The following RBFOX1 variants were observed in gnomAD, a reference collection of about 807,000 sequenced individuals.
RBFOX1 encodes the protein RNA binding protein fox-1 homolog 1.
Under a neutral mutation model 57.7 loss-of-function variants are expected in RBFOX1, and 8 were observed. That is an observed-to-expected ratio of 0.14 (90% CI 0.08 to 0.25). The LOEUF is 0.25. Among genes scored for constraint, RBFOX1 ranks in the 10% least tolerant of loss-of-function variants. The pLI is 1.00. For missense variants in RBFOX1, 611 were observed against 548.5 expected (o/e 1.11, Z -1.14); for synonymous variants, 326 against 222.4 (o/e 1.47, Z -4.15).
At chr16:7,217,952 G>T (rs1378361560) in intron 4 of RBFOX1, among the ~76,000 whole-genome samples, 1 of 151,700 alleles carries the variant, frequency 6.6e-6, no homozygotes, top group African/African-American at 2.4e-5. Flanking sequence ...GTGTGTGTGT[G>T]CACATGTGTA....
chr16:6,696,793 A>G (rs1192663415), intron 3 of RBFOX1, among the ~76,000 whole-genome samples: 2 of 152,200 alleles, frequency 1.3e-5, no homozygotes, highest in African/African-American at 4.8e-5. Context: ...TTTTGTAGAA[A>G]AAAAGAGGTG....
intron 4 of RBFOX1, among the ~76,000 whole-genome samples, chr16:7,286,923 C>G (rs963951848): frequency 1.3e-5 from 2 of 152,146 alleles, no homozygotes; most frequent in African/African-American, 2.4e-5. Context: ...GTCACCATGC[C>G]TGGCCCTGGG....
intron 4 of RBFOX1, among the ~76,000 whole-genome samples, chr16:7,106,190 C>G (rs1049921438): frequency 5.9e-5 from 9 of 152,212 alleles, no homozygotes; most frequent in Non-Finnish European, 1.2e-4. Context: ...TTCCTGTGGG[C>G]TCTTTTTTGT....
At chr16:5,543,228 A>G (rs1379901645) in intron 2 of RBFOX1, among the ~76,000 whole-genome samples, 1 of 152,246 alleles carries the variant, frequency 6.6e-6, no homozygotes, top group Non-Finnish European at 1.5e-5. Context: ...AATACAACCT[A>G]AAATGAGTAG....
At chr16:6,230,800 C>T (rs531611700) in intron 1 of RBFOX1, among the ~76,000 whole-genome samples, 9 of 152,144 alleles carry the variant, frequency 5.9e-5, no homozygotes, top group East Asian at 5.8e-4. Flanking sequence ...GATATGGATA[C>T]GCATAGTACA....
chr16:6,022,517 C>G (rs767587381), intron 1 of RBFOX1, among the ~76,000 whole-genome samples: 22 of 152,130 alleles, frequency 1.4e-4, no homozygotes, highest in Middle Eastern at 3.4e-3. Context: ...CCTGTCTGTA[C>G]TAAAAATACA....
intron 1 of RBFOX1, among the ~76,000 whole-genome samples, chr16:5,454,954 C>CTTTCTTTCTTT (rs1567535876): frequency 2.2e-4 from 9 of 40,422 alleles, no homozygotes; most frequent in African/African-American, 8.0e-4. Flanking sequence ...TTCCTTCCTT[C>CTTTCTTTCTTT]CTTCCTTTCT....
intron 4 of RBFOX1, among the ~76,000 whole-genome samples, chr16:7,300,000 A>G (rs1337046480): frequency 6.6e-6 from 1 of 152,238 alleles, no homozygotes. Flanking sequence ...TTATGCAATA[A>G]GATTGGAAGG....
chr16:5,360,877 C>G (rs533797252), intron 1 of RBFOX1, among the ~76,000 whole-genome samples: 1 of 152,170 alleles, frequency 6.6e-6, no homozygotes. Context: ...ATAGCATGAA[C>G]CTGCTTTCCC....
intron 2 of RBFOX1, among the ~76,000 whole-genome samples, chr16:6,412,107 C>T (rs2093475597): frequency 6.8e-6 from 1 of 146,222 alleles, no homozygotes; most frequent in African/African-American, 2.6e-5. Context: ...CACTCCAGTA[C>T]AGGCAATAGT....
chr16:7,020,700 GGGAAGA>G (rs1476738460), intron 3 of RBFOX1, among the ~76,000 whole-genome samples: 33 of 152,226 alleles, frequency 2.2e-4, no homozygotes, highest in African/African-American at 6.7e-4. Flanking sequence ...ACACTGCAGA[GGGAAGA>G]GGAAGAGGAG....
chr16:6,723,032 G>A (rs756456058), intron 3 of RBFOX1, among the ~76,000 whole-genome samples: 3 of 152,174 alleles, frequency 2.0e-5, no homozygotes, highest in African/African-American at 4.8e-5. Flanking sequence ...TAAGTGGAAA[G>A]GATCTGAGAG....
At chr16:6,738,309 G>C (rs767887811) in intron 3 of RBFOX1, among the ~76,000 whole-genome samples, 5 of 152,032 alleles carry the variant, frequency 3.3e-5, no homozygotes, top group Non-Finnish European at 7.4e-5. Context: ...GGAGAGGAGG[G>C]GAACTGAGAT....
Position 5,535,202 on chromosome 16 carries a change from C to A in RBFOX1, c.259-63700C>A, listed in dbSNP as rs377275306. On this transcript the variant is annotated intron_variant, in intron 2 of 2. Transcript: ENST00000585867. ...TTCTTTAGTCACAGTAGCCACATTT[C>A]AAGTGCTCAGTAGCCACGTGTGGCT... 2.2e-4 allele frequency among the ~76,000 whole-genome samples: 33 copies of A among 152,312 alleles called. No individual in the cohort carries two copies. The South Asian group carries it at 6.6e-3, about 31-fold the overall frequency.
intron 2 of RBFOX1, among the ~76,000 whole-genome samples, chr16:5,570,091 C>G (rs1012650136): frequency 5.3e-5 from 8 of 152,194 alleles, no homozygotes; most frequent in Admixed American, 3.9e-4. Context: ...CACACAGTGT[C>G]ACAGCCTGGG....
At chr16:5,425,758 C>G (rs1335714191) in intron 1 of RBFOX1, among the ~76,000 whole-genome samples, 1 of 152,190 alleles carries the variant, frequency 6.6e-6, no homozygotes, top group African/African-American at 2.4e-5. Context: ...ACACTGTCCT[C>G]AGGTTCCCAC....
At chr16:7,278,595 G>C (rs955291805) in intron 4 of RBFOX1, among the ~76,000 whole-genome samples, 1 of 152,052 alleles carries the variant, frequency 6.6e-6, no homozygotes, top group East Asian at 1.9e-4. Context: ...ATTGACTTCT[G>C]TTTGTATCCT....
At chr16:7,553,204 G>C (rs972867934) in intron 5 of RBFOX1, among the ~76,000 whole-genome samples, 16 of 152,142 alleles carry the variant, frequency 1.1e-4, no homozygotes, top group African/African-American at 3.6e-4. Flanking sequence ...GAGTGCAGTG[G>C]TGCAATCATA....
At chr16:6,864,216 C>G (rs1187582524) in intron 3 of RBFOX1, among the ~76,000 whole-genome samples, 3 of 152,088 alleles carry the variant, frequency 2.0e-5, no homozygotes, top group Admixed American at 6.6e-5. Context: ...TCTTCTATGT[C>G]ACTGTATTCC....
Sources: gnomAD v4.1 joint callset for allele counts (sites outside exome capture counted in the v4.1 genomes callset) on GRCh38, gnomAD v4.1.1 for gene constraint, MANE v1.5 for transcripts, NCBI Gene and HGNC (gene_info 2026-07-23, HGNC 2026-07-21) for gene names.